NEGR1: variants seen among roughly 807,000 people sequenced by gnomAD.
NEGR1 encodes the protein neuronal growth regulator 1.
Under a neutral mutation model 40.9 loss-of-function variants are expected in NEGR1, and 10 were observed. That is an observed-to-expected ratio of 0.24 (90% CI 0.15 to 0.42). The LOEUF is 0.42. NEGR1 is among the 10% of genes least tolerant of loss of function. The pLI is 1.00. For missense variants in NEGR1, 352 were observed against 438.9 expected (o/e 0.80, Z 1.77); for synonymous variants, 185 against 166.8 (o/e 1.11, Z -0.84).
At chr1:72,081,195 A>G (rs1483306058) in intron 1 of NEGR1, among the ~76,000 whole-genome samples, 1 of 152,098 alleles carries the variant, frequency 6.6e-6, no homozygotes, top group Non-Finnish European at 1.5e-5. Context: ...TAGTGCAATC[A>G]TAAGTTCTAA....
intron 6 of NEGR1, 90 bp downstream of exon 6, chr1:71,592,727 T>C (rs888474842): frequency 8.1e-5 from 81 of 1,002,764 alleles, no homozygotes; most frequent in Non-Finnish European, 1.0e-4. Context: ...AGTTTTAAAA[T>C]GAACGTACTC....
Position 71,407,479 on chromosome 1 carries a change from G to T in NEGR1, c.1032C>A (p.Ser344Arg). The T allele has an allele frequency of 6.2e-7, 1 of 1,612,202 alleles. No individual in the cohort carries two copies. The highest frequency in any genetic ancestry group is 8.5e-7 in the Non-Finnish European group (1 of 1,178,484). ...YLVLTLSSFT[S>R]IFYLKNAILQ Reference sequence around the variant, plus strand: ...GAATGGCATTCTTCAGGTAGAATATGCTGGTGAAAGAGGACAGTGTCAACA... The same window carrying T: ...GAATGGCATTCTTCAGGTAGAATATTCTGGTGAAAGAGGACAGTGTCAACA... Residue 344 changes from serine (S) to arginine (R), a missense_variant, in exon 7 of 7, where the codon AGC becomes AGA. Ser to Arg is a moderately radical substitution (Grantham distance 110). Coordinates refer to ENST00000357731, the MANE Select transcript of NEGR1 (RefSeq NM_173808.3).
rs143087869 is a variant in NEGR1, at chr1:71,812,851, T to C, written c.410-36554A>G. Among the ~76,000 whole-genome samples the C allele has an allele frequency of 1.9e-3, 294 of 152,272 alleles. 5 individuals carry two copies. The East Asian group carries it at 0.051, about 26-fold the overall frequency. ...ATTGCAAAAATTTTCTCCCATTCTG[T>C]AGACTGTCTGTTCACTCTGATGATA... On this transcript the variant is annotated intron_variant, in intron 2 of 6. Coordinates refer to ENST00000357731, the MANE Select transcript of NEGR1 (RefSeq NM_173808.3).
chr1:71,617,737 A>G (rs1256513634), intron 4 of NEGR1, among the ~76,000 whole-genome samples: 1 of 152,206 alleles, frequency 6.6e-6, no homozygotes, highest in African/African-American at 2.4e-5. Context: ...CCAGGTTAAA[A>G]TACATGCCCT....
At chr1:71,908,574 T>C (rs1402485301) in intron 2 of NEGR1, among the ~76,000 whole-genome samples, 3 of 151,988 alleles carry the variant, frequency 2.0e-5, no homozygotes, top group Non-Finnish European at 4.4e-5. Context: ...CTCTGAGAGG[T>C]CCTCCAACTG....
intron 2 of NEGR1, among the ~76,000 whole-genome samples, chr1:71,864,037 T>C (rs1660039069): frequency 6.6e-6 from 1 of 152,324 alleles, no homozygotes; most frequent in South Asian, 2.1e-4. Flanking sequence ...TCATATACTA[T>C]GTCACATCTC....
At position 71,444,367 on chromosome 1, in the gene NEGR1, C is replaced by T. The variant is rs1391666156; in HGVS notation, c.941-36797G>A. On this transcript the variant is annotated intron_variant, in intron 6 of 6. Transcript: ENST00000357731. ...ATAATACTTAAATGAATGGGCATGG[C>T]TATATTGCAATAAAATTTTATTTAT... Among the ~76,000 whole-genome samples the T allele has an allele frequency of 3.9e-5, 6 of 152,138 alleles. No individual in the cohort carries two copies. The East Asian group carries it at 1.2e-3, about 29-fold the overall frequency.
intron 1 of NEGR1, among the ~76,000 whole-genome samples, chr1:72,049,250 A>T (rs1453046824): frequency 6.6e-6 from 1 of 151,626 alleles, no homozygotes; most frequent in Non-Finnish European, 1.5e-5. Context: ...CTGAGGCAGG[A>T]GTATTCATTG....
In NEGR1 at chr1:71,400,768, C is replaced by G. The variant is rs1194585586; in HGVS notation, c.*6678G>C. The G allele has an allele frequency of 1.3e-5, 2 of 151,962 alleles. No homozygotes were observed. Among genetic ancestry groups the G allele is most frequent in the African/African-American group, 4.8e-5 (2 of 41,370 alleles). 9.4% of individuals were successfully genotyped at this position (151,962 alleles called of 1,614,324 possible). On this transcript the variant is annotated 3_prime_UTR_variant, in exon 7 of 7. Coordinates refer to ENST00000357731, the MANE Select transcript of NEGR1 (RefSeq NM_173808.3). ...TACATCTCGTCTGGGAGCGGTGGCTCACGCCTGTAATCCCAGCACTTTAGG... is the reference window on the plus strand; with the variant it reads ...TACATCTCGTCTGGGAGCGGTGGCTGACGCCTGTAATCCCAGCACTTTAGG...
At chr1:71,490,147 T>C (rs1259226864) in intron 6 of NEGR1, among the ~76,000 whole-genome samples, 1 of 152,018 alleles carries the variant, frequency 6.6e-6, no homozygotes, top group African/African-American at 2.4e-5. Flanking sequence ...TGTTCTGAAA[T>C]ACAGAAGTAT....
intron 2 of NEGR1, among the ~76,000 whole-genome samples, chr1:71,828,538 GCT>G (rs1181383794): frequency 2.0e-5 from 3 of 151,336 alleles, no homozygotes; most frequent in Non-Finnish European, 4.4e-5. Flanking sequence ...CCTTTGTCTC[GCT>G]CTCTTTTTCT....
intron 1 of NEGR1, among the ~76,000 whole-genome samples, chr1:72,211,268 T>G (rs1280985478): frequency 6.6e-6 from 1 of 151,674 alleles, no homozygotes; most frequent in African/African-American, 2.4e-5. Context: ...AACAAAAAAA[T>G]CTAGCACTCT....
chr1:72,013,357 A>C (rs1193329118), intron 1 of NEGR1, among the ~76,000 whole-genome samples: 1 of 152,106 alleles, frequency 6.6e-6, no homozygotes, highest in African/African-American at 2.4e-5. Flanking sequence ...TAGGTAGATA[A>C]GGGAACCTCG....
chr1:72,007,163 C>T (rs1438872476), intron 1 of NEGR1, among the ~76,000 whole-genome samples: 1 of 152,038 alleles, frequency 6.6e-6, no homozygotes, highest in Non-Finnish European at 1.5e-5. Flanking sequence ...TACCTGGGTT[C>T]TTCCCAGAAG....
chr1:71,430,923 C>T (rs988367455), intron 6 of NEGR1, among the ~76,000 whole-genome samples: 14 of 151,908 alleles, frequency 9.2e-5, no homozygotes, highest in Non-Finnish European at 1.8e-4. Context: ...CCGGGCCCGA[C>T]TAATTTTTTG....
At chr1:71,932,172 A>G (rs1399412077) in intron 2 of NEGR1, among the ~76,000 whole-genome samples, 2 of 152,136 alleles carry the variant, frequency 1.3e-5, no homozygotes, top group Non-Finnish European at 2.9e-5. Flanking sequence ...GCTATATGTA[A>G]ACATTAGTTT....
chr1:72,000,061 C>T (rs996291047), intron 1 of NEGR1, among the ~76,000 whole-genome samples: 1 of 151,846 alleles, frequency 6.6e-6, no homozygotes, highest in Admixed American at 6.6e-5. Context: ...GAAAGGTATG[C>T]TAAAACCAAG....
intron 6 of NEGR1, chr1:71,484,694 T>C (rs1646875657): frequency 6.6e-6 from 1 of 151,738 alleles, no homozygotes; most frequent in Admixed American, 6.6e-5. Context: ...CTCTATCCAA[T>C]AGTATTAATA....
At chr1:71,579,126 T>C (rs928770467) in intron 6 of NEGR1, among the ~76,000 whole-genome samples, 1 of 152,200 alleles carries the variant, frequency 6.6e-6, no homozygotes, top group African/African-American at 2.4e-5. Context: ...ATATCATTTC[T>C]GCTACATTTC....
Sources: gnomAD v4.1 joint callset for allele counts (sites outside exome capture counted in the v4.1 genomes callset) on GRCh38, gnomAD v4.1.1 for gene constraint, MANE v1.5 for transcripts, NCBI Gene and HGNC (gene_info 2026-07-23, HGNC 2026-07-21) for gene names.